Variants in NKAIN2 observed in about 807,000 individuals in gnomAD.
The protein encoded by NKAIN2 is sodium/potassium-transporting ATPase subunit beta-1-interacting protein 2.
NKAIN2 carries 14 observed loss-of-function variants against 32.6 expected under a neutral mutation model. The ratio of observed to expected loss-of-function variants is 0.43; its 90% CI spans 0.28 to 0.67. The LOEUF (loss-of-function observed/expected upper bound fraction) is 0.67. Among genes scored for constraint, NKAIN2 ranks in the 30% least tolerant of loss-of-function variants. NKAIN2 has a pLI of 0.17. For missense variants in NKAIN2, 198 were observed against 258.3 expected (o/e 0.77, Z 1.60); for synonymous variants, 80 against 87.2 (o/e 0.92, Z 0.46).
At chr6:124,153,456 G>A (rs1458696465) in intron 1 of NKAIN2, among the ~76,000 whole-genome samples, 1 of 150,946 alleles carries the variant, frequency 6.6e-6, no homozygotes, top group African/African-American at 2.4e-5. Context: ...ATAACTTGAG[G>A]GATAATTAAC....
At chr6:124,224,713 C>T (rs564384722) in intron 1 of NKAIN2, among the ~76,000 whole-genome samples, 9 of 152,076 alleles carry the variant, frequency 5.9e-5, no homozygotes, top group Non-Finnish European at 1.0e-4. Context: ...GATCTTTTCA[C>T]ATTATGTGAA....
intron 4 of NKAIN2, among the ~76,000 whole-genome samples, chr6:124,735,121 C>T (rs995699286): frequency 1.6e-4 from 25 of 151,690 alleles, no homozygotes; most frequent in Admixed American, 6.6e-5. Flanking sequence ...ATCTGAATTC[C>T]CTTAAAAATG....
At chr6:124,692,084 C>G (rs779724114) in intron 4 of NKAIN2, among the ~76,000 whole-genome samples, 4 of 152,088 alleles carry the variant, frequency 2.6e-5, no homozygotes, top group African/African-American at 7.2e-5. Context: ...AAAATCACTT[C>G]TATTATAAAA....
intron 4 of NKAIN2, among the ~76,000 whole-genome samples, chr6:124,770,811 T>G (rs760681169): frequency 2.6e-4 from 39 of 152,074 alleles, no homozygotes; most frequent in Admixed American, 4.6e-4. Flanking sequence ...TCTTACTTGT[T>G]TTCTATCTGC....
chr6:123,941,088 C>G (rs1361463825), intron 1 of NKAIN2, among the ~76,000 whole-genome samples: 1 of 151,648 alleles, frequency 6.6e-6, no homozygotes, highest in Non-Finnish European at 1.5e-5. Context: ...AAGACACAAA[C>G]CCACACATTA....
chr6:124,774,918 A>T (rs1778922670), intron 4 of NKAIN2, among the ~76,000 whole-genome samples: 1 of 151,580 alleles, frequency 6.6e-6, no homozygotes, highest in Non-Finnish European at 1.5e-5. Context: ...ATCTTTGGAC[A>T]GTTGTTGTCC....
intron 1 of NKAIN2, among the ~76,000 whole-genome samples, chr6:123,861,736 G>A (rs932152590): frequency 3.9e-5 from 6 of 152,084 alleles, no homozygotes; most frequent in African/African-American, 7.2e-5. Flanking sequence ...TAACCTGCAA[G>A]TTTTATTTTT....
intron 1 of NKAIN2, among the ~76,000 whole-genome samples, chr6:123,959,957 GTGTGTGTGTGTGTGTA>G: frequency 6.8e-6 from 1 of 147,664 alleles, no homozygotes; most frequent in South Asian, 2.1e-4. Flanking sequence ...GTGTGTGTGT[GTGTGTGTGTGTGTGTA>G]ACACCATTCA....
chr6:123,879,564 C>T (rs1773351855), intron 1 of NKAIN2, among the ~76,000 whole-genome samples: 1 of 152,140 alleles, frequency 6.6e-6, no homozygotes, highest in Admixed American at 6.5e-5. Context: ...TTCTTTCTAC[C>T]TTGTCTTTCC....
intron 1 of NKAIN2, among the ~76,000 whole-genome samples, chr6:124,069,970 T>C (rs1783365144): frequency 6.6e-6 from 1 of 152,206 alleles, no homozygotes; most frequent in African/African-American, 2.4e-5. Flanking sequence ...AATTCTATGG[T>C]ACAAATTGTC....
intron 1 of NKAIN2, among the ~76,000 whole-genome samples, chr6:124,205,873 A>G (rs1277797335): frequency 6.6e-6 from 1 of 151,912 alleles, no homozygotes; most frequent in Non-Finnish European, 1.5e-5. Context: ...TTAGTTTCCC[A>G]TATTTTCCAT....
chr6:124,358,529 A>G (rs1583117440), intron 3 of NKAIN2, among the ~76,000 whole-genome samples: 1 of 152,326 alleles, frequency 6.6e-6, no homozygotes, highest in East Asian at 1.9e-4. Context: ...ATGGTCAGTG[A>G]TGATGAGCAT....
chr6:123,863,766 C>A (rs1775880137), intron 1 of NKAIN2, among the ~76,000 whole-genome samples: 1 of 152,072 alleles, frequency 6.6e-6, no homozygotes, highest in East Asian at 1.9e-4. Context: ...GGTAAAAATT[C>A]TTCTCTCATC....
intron 3 of NKAIN2, among the ~76,000 whole-genome samples, chr6:124,632,582 TTTTC>T (rs1222013624): frequency 6.6e-6 from 1 of 152,220 alleles, no homozygotes; most frequent in African/African-American, 2.4e-5. Context: ...TAATGAGTAC[TTTTC>T]TTTGTTTCTT....
chr6:123,976,300 TATATATGTTTCCATATATATATATGTTCC>T (rs1778581933), intron 1 of NKAIN2, among the ~76,000 whole-genome samples: 4 of 101,284 alleles, frequency 3.9e-5, no homozygotes, highest in African/African-American at 1.5e-4. Flanking sequence ...TATGTTTCCA[TATATATGTTTCCATATATATATATGTTCC>T]CATATATATA....
chr6:124,181,609 T>C (rs112607588), intron 1 of NKAIN2, among the ~76,000 whole-genome samples: 2 of 152,282 alleles, frequency 1.3e-5, no homozygotes, highest in African/African-American at 4.8e-5. Flanking sequence ...TGCTTAGAAA[T>C]TTCTTCCACC....
rs557992343 is a variant in NKAIN2, at chr6:124,243,156, A to G, written c.55-39849A>G. Among the ~76,000 whole-genome samples, 12 of 152,142 alleles carry G rather than the reference A, an allele frequency of 7.9e-5. No individual in the cohort carries two copies. In the South Asian group the frequency reaches 2.5e-3, roughly 32 times the overall value. ...GACAGAAGTAGGTTTCAAAACAATC[A>G]CGACATGTTCTGAAACAGGAGGTAA... On this transcript the variant is annotated intron_variant, in intron 1 of 6. Transcript: ENST00000368417.
chr6:124,635,333 CAGAGAAA>C (rs1172094404), intron 3 of NKAIN2, among the ~76,000 whole-genome samples: 3 of 151,572 alleles, frequency 2.0e-5, no homozygotes, highest in Non-Finnish European at 4.4e-5. Flanking sequence ...ACAAATAAGA[CAGAGAAA>C]AGAATCAAAT....
At chr6:124,820,151 A>G (rs1781332557) in intron 6 of NKAIN2, among the ~76,000 whole-genome samples, 1 of 152,176 alleles carries the variant, frequency 6.6e-6, no homozygotes, top group African/African-American at 2.4e-5. Flanking sequence ...AAGATTCTTG[A>G]TAGCTACAAC....
Sources: allele counts gnomAD v4.1 joint callset (sites outside exome capture counted in the v4.1 genomes callset), GRCh38; gene constraint gnomAD v4.1.1; transcripts MANE v1.5; gene names NCBI Gene and HGNC (gene_info 2026-07-23, HGNC 2026-07-21).